The following SLC22A4 variants were observed in gnomAD, a reference collection of about 807,000 sequenced individuals.
SLC22A4 encodes the protein ET transporter.
Under a neutral mutation model 56.6 loss-of-function variants are expected in SLC22A4, and 39 were observed. The observed-to-expected ratio is 0.69, with a 90% confidence interval of 0.53 to 0.90. SLC22A4 has a LOEUF of 0.90. Ranked by LOEUF, SLC22A4 falls within the 40% of genes least tolerant of loss-of-function variation. The pLI, the probability that SLC22A4 is intolerant of heterozygous loss-of-function variation, is 0.00. For synonymous variants in SLC22A4, 241 were observed against 281.4 expected (o/e 0.86, Z 1.44); for missense variants, 594 against 696.5 (o/e 0.85, Z 1.66).
chr5:132,327,666 A>G (rs1750723439), intron 5 of SLC22A4, among the ~76,000 whole-genome samples: 1 of 152,250 alleles, frequency 6.6e-6, no homozygotes, highest in Non-Finnish European at 1.5e-5. Flanking sequence ...CAAGTTTATC[A>G]TCAACTTTCT....
At chr5:132,310,171 T>G (rs1405784195) in intron 1 of SLC22A4, among the ~76,000 whole-genome samples, 5 of 152,242 alleles carry the variant, frequency 3.3e-5, no homozygotes, top group Non-Finnish European at 7.3e-5. Context: ...AGCAGGACAC[T>G]GGTACAAGAT....
chr5:132,335,028 C>T (rs1750979792), intron 7 of SLC22A4, 96 bp downstream of exon 7: 2 of 850,604 alleles, frequency 2.4e-6, no homozygotes, highest in East Asian at 4.8e-5. Flanking sequence ...TCAGCCTTTA[C>T]ATCATAAGCC....
intron 4 of SLC22A4, chr5:132,324,360 G>C: frequency 5.3e-6 from 2 of 374,696 alleles, no homozygotes; most frequent in Non-Finnish European, 1.1e-5. Flanking sequence ...TGATCCATTA[G>C]CCCTCCAGAG....
chr5:132,326,101 G>A (rs969719715), intron 4 of SLC22A4, among the ~76,000 whole-genome samples: 11 of 152,164 alleles, frequency 7.2e-5, no homozygotes, highest in African/African-American at 2.2e-4. Context: ...GAGCAGTCAC[G>A]GAGCTGTAAC....
chr5:132,325,677 A>G (rs1175396244), intron 4 of SLC22A4, among the ~76,000 whole-genome samples: 1 of 152,174 alleles, frequency 6.6e-6, no homozygotes. Flanking sequence ...GTAAGTACAG[A>G]TGCTCTTTGA....
rs1751293248 is a variant in SLC22A4 at position 132,344,011 on chromosome 5, G to C, written c.*176G>C. 5.1e-6 allele frequency: 3 copies of C among 587,890 alleles called. No individual in the cohort carries two copies. In the South Asian group the frequency reaches 6.9e-5, roughly 14 times the overall value. 36.4% of individuals were successfully genotyped at this position (587,890 alleles called of 1,614,324 possible). On this transcript the variant is annotated 3_prime_UTR_variant, in exon 10 of 10. Coordinates refer to ENST00000200652, the MANE Select transcript of SLC22A4 (RefSeq NM_003059.3). ...GATGATTCTTCCAGATAATGTCCTT[G>C]CTTTACAAACCAACCATTTCTAGAG...
chr5:132,294,757 G>T lies in SLC22A4; in HGVS notation c.141G>T (p.Glu47Asp), dbSNP rs750134122. 1.2e-6 allele frequency: 2 copies of T among 1,613,802 alleles called. No individual in the cohort carries two copies. Among genetic ancestry groups the T allele is most frequent in the Non-Finnish European group, 1.7e-6 (2 of 1,180,028 alleles). The change falls in exon 1 of 10, where the codon GAG becomes GAT. Residue 47 changes from glutamate (E) to aspartate (D), a missense_variant. Glu to Asp is a conservative substitution (Grantham distance 45, BLOSUM62 2). Coordinates refer to ENST00000200652, the MANE Select transcript of SLC22A4 (RefSeq NM_003059.3). The surrounding 1 kb of genome is among the most constrained non-coding windows in gnomAD (Gnocchi z 5.6). Reference sequence around the variant, plus strand: ...TCGTGTTCCTGGCGGGGACCCCGGAGCACCGCTGTCGAGTGCCGGACGCCG... The same window carrying T: ...TCGTGTTCCTGGCGGGGACCCCGGATCACCGCTGTCGAGTGCCGGACGCCG... ...MSVVFLAGTP[E>D]HRCRVPDAAN...
intron 2 of SLC22A4, 118 bp downstream of exon 2, chr5:132,312,382 C>T (rs183128778): frequency 4.0e-6 from 3 of 755,388 alleles, no homozygotes; most frequent in East Asian, 5.1e-5. Flanking sequence ...CCTCAGGCCA[C>T]TGATTCAGTG....
chr5:132,324,308 T>C (rs1750620846), intron 4 of SLC22A4, among the ~76,000 whole-genome samples: 1 of 152,148 alleles, frequency 6.6e-6, no homozygotes, highest in South Asian at 2.1e-4. Flanking sequence ...GGATGGGATC[T>C]TTGCCTCGGG....
intron 1 of SLC22A4, among the ~76,000 whole-genome samples, chr5:132,302,971 G>A (rs958757401): frequency 6.6e-6 from 1 of 152,190 alleles, no homozygotes; most frequent in East Asian, 1.9e-4. Flanking sequence ...TTCTGGCTTA[G>A]TTGTTTGTAA....
At chr5:132,340,110 C>A (rs1751166446) in intron 8 of SLC22A4, among the ~76,000 whole-genome samples, 1 of 127,076 alleles carries the variant, frequency 7.9e-6, no homozygotes, top group Admixed American at 9.4e-5. Context: ...GCCCTGTGGA[C>A]CTAACTTTCC....
chr5:132,340,575 C>G lies in SLC22A4; in HGVS notation c.1455C>G (p.Asn485Lys). ...APYFVYLGAY[N>K]RMLPYIVMGS... ...TCCCGGGCTTTACAGGTGCTTACAA[C>G]AGAATGCTGCCCTACATCGTCATGG... The change falls in exon 9 of 10, where the codon AAC becomes AAG. Residue 485 changes from asparagine (N) to lysine (K), a missense_variant. Asn to Lys is a moderately conservative substitution (Grantham distance 94). Transcript: ENST00000200652. 2.5e-6 allele frequency: 4 copies of G among 1,614,002 alleles called. No individual in the cohort carries two copies. The highest frequency in any genetic ancestry group is 3.4e-6 in the Non-Finnish European group (4 of 1,179,912).
intron 4 of SLC22A4, among the ~76,000 whole-genome samples, chr5:132,326,755 G>T (rs900586551): frequency 6.6e-6 from 1 of 152,226 alleles, no homozygotes; most frequent in African/African-American, 2.4e-5. Context: ...AGCCATGGGG[G>T]CCCCACACAG....
chr5:132,317,078 AAG>A (rs933223129), intron 3 of SLC22A4, among the ~76,000 whole-genome samples: 1 of 152,192 alleles, frequency 6.6e-6, no homozygotes, highest in Non-Finnish European at 1.5e-5. Flanking sequence ...GAAAGCAAGA[AAG>A]AGAGAGTGAG....
intron 1 of SLC22A4, among the ~76,000 whole-genome samples, chr5:132,296,737 A>T (rs915270202): frequency 2.0e-5 from 3 of 152,144 alleles, no homozygotes; most frequent in Non-Finnish European, 4.4e-5. Context: ...CGATTCCTGG[A>T]AGTGTTATCA....
At chr5:132,295,259 C>T (rs1408618552) in intron 1 of SLC22A4, 1 of 705,918 alleles carries the variant, frequency 1.4e-6, no homozygotes, top group Non-Finnish European at 2.6e-6. Context: ...TTTTCATTTC[C>T]GATTTTCACA....
At chr5:132,324,036 T>TA (rs1447908295) in intron 4 of SLC22A4, among the ~76,000 whole-genome samples, 1 of 151,814 alleles carries the variant, frequency 6.6e-6, no homozygotes, top group Non-Finnish European at 1.5e-5. Flanking sequence ...GTACTAAAAA[T>TA]AAAAAATTAG....
chr5:132,337,824 C>T (rs541028637), intron 8 of SLC22A4, among the ~76,000 whole-genome samples: 60 of 151,868 alleles, frequency 4.0e-4, no homozygotes, highest in East Asian at 1.9e-3. Context: ...CAACCTCCGC[C>T]GCCTGGGTTC....
chr5:132,335,463 G>T (rs1157550633), intron 7 of SLC22A4, among the ~76,000 whole-genome samples: 2 of 152,136 alleles, frequency 1.3e-5, no homozygotes, highest in African/African-American at 4.8e-5. Context: ...TTAATAATAA[G>T]AAAGAGGATA....
Sources: gnomAD v4.1 joint callset for allele counts (sites outside exome capture counted in the v4.1 genomes callset) on GRCh38, gnomAD v4.1.1 for gene constraint, Gnocchi (gnomAD v3.1) non-coding constraint, MANE v1.5 for transcripts, NCBI Gene and HGNC (gene_info 2026-07-23, HGNC 2026-07-21) for gene names.